Variants in ADH6 observed in about 807,000 individuals in gnomAD.
ADH6 encodes the protein alcohol dehydrogenase 6 (class V).
A neutral mutation model predicts 36.5 loss-of-function variants in ADH6; 34 were observed. The ratio of observed to expected loss-of-function variants is 0.93; its 90% CI spans 0.71 to 1.24. The LOEUF is 1.24. ADH6 is among the 50% of genes most tolerant of loss of function. ADH6 has a pLI of 0.00. For missense variants in ADH6, 440 were observed against 447.0 expected (o/e 0.98, Z 0.14); for synonymous variants, 161 against 155.5 (o/e 1.04, Z -0.26).
At chr4:99,204,498 G>A (rs530796408) in intron 8 of ADH6, 29 of 1,296,470 alleles carry the variant, frequency 2.2e-5, no homozygotes, top group African/African-American at 1.5e-4. Flanking sequence ...TGTTTTTTGG[G>A]TCAAAGATAG....
In ADH6 at chr4:99,202,674, T is replaced by C. The variant is rs1378568974; in HGVS notation, c.*1545A>G. The C allele has an allele frequency of 5.0e-6, 2 of 397,550 alleles. No homozygotes were observed. The highest frequency in any genetic ancestry group is 4.4e-5 in the Admixed American group (1 of 22,672). 24.6% of individuals were successfully genotyped at this position (397,550 alleles called of 1,614,324 possible). A position where few individuals can be genotyped will look rare whatever the true frequency, so the allele number is the denominator to read the frequency against. On this transcript the variant is annotated 3_prime_UTR_variant, in exon 9 of 9. Transcript: ENST00000394899. Reference sequence around the variant, plus strand: ...AACCGAGCTTTATTGGAGCAAAGAGTGTGGACACTGTTTACAACAAAACGT... The same window carrying C: ...AACCGAGCTTTATTGGAGCAAAGAGCGTGGACACTGTTTACAACAAAACGT...
chr4:99,208,654 A>G lies in ADH6; in HGVS notation c.828+14T>C. The G allele has an allele frequency of 6.2e-7, 1 of 1,605,396 alleles. No homozygotes were observed. The highest frequency in any genetic ancestry group is 8.5e-7 in the Non-Finnish European group (1 of 1,175,664). ...TAAAAGTATTGGTAATTTTCACTCCAGAGGATTACATACCAGAACGTCCAG... is the reference window on the plus strand; with the variant it reads ...TAAAAGTATTGGTAATTTTCACTCCGGAGGATTACATACCAGAACGTCCAG... On this transcript the variant is annotated intron_variant, in intron 6 of 8. Coordinates refer to ENST00000394899, the MANE Select transcript of ADH6 (RefSeq NM_001102470.2).
Position 99,208,897 on chromosome 4 carries a change from C to T in ADH6, c.599G>A (p.Gly200Asp). Residue 200 changes from glycine to aspartate, a missense_variant, in exon 6 of 9, where the codon GGC becomes GAC. Coordinates refer to ENST00000394899, the MANE Select transcript of ADH6 (RefSeq NM_001102470.2). ...VTPGSTCAVF[G>D]LGGVGLSVVM... ...AACAGACAAGCCGACTCCTCCCAGG[C>T]CAAACACAGCACAGGTAGAACCTGG... is the stretch of plus-strand genomic sequence containing the variant. The T allele has an allele frequency of 6.2e-7, 1 of 1,613,618 alleles. No individual in the cohort carries two copies. The highest frequency in any genetic ancestry group is 8.5e-7 in the Non-Finnish European group (1 of 1,179,708).
intron 7 of ADH6, among the ~76,000 whole-genome samples, chr4:99,206,951 A>G (rs1460101456): frequency 6.6e-6 from 1 of 152,126 alleles, no homozygotes; most frequent in African/African-American, 2.4e-5. Flanking sequence ...TCTGGGTAAA[A>G]TAATTCTTAT....
In ADH6 at chr4:99,207,516, G is replaced by A. The variant is rs1731076810; in HGVS notation, c.894C>T (p.Ala298=). The change falls in exon 7 of 9, where the codon GCC becomes GCT. Residue 298 remains alanine (A), a synonymous_variant. Transcript: ENST00000394899. ...GVCVVVGVLP[A]SVQLKISGQL... is the part of the protein sequence containing the mutation. ...GGCCACTGATTTTGAGTTGAACACT[G>A]GCAGGCAACACCCCAACAACCACAC... The A allele has an allele frequency of 6.2e-7, 1 of 1,613,614 alleles. No individual in the cohort carries two copies. The highest frequency in any genetic ancestry group is 8.5e-7 in the Non-Finnish European group (1 of 1,179,728).
At chr4:99,213,216 A>G (rs1437788842) in intron 3 of ADH6, among the ~76,000 whole-genome samples, 2 of 152,082 alleles carry the variant, frequency 1.3e-5, no homozygotes, top group Admixed American at 1.3e-4. Context: ...TTAACTTCTT[A>G]TGTTTATTTG....
chr4:99,206,715 A>G (rs1418953068), intron 7 of ADH6, among the ~76,000 whole-genome samples: 1 of 151,944 alleles, frequency 6.6e-6, no homozygotes, highest in Non-Finnish European at 1.5e-5. Context: ...CACTCCTCTA[A>G]TTCTCATCTC....
chr4:99,202,953 A>G lies in ADH6; in HGVS notation c.*1266T>C. 1 of 395,024 alleles carries G rather than the reference A, an allele frequency of 2.5e-6. No homozygotes were observed. Among genetic ancestry groups the G allele is most frequent in the African/African-American group, 2.1e-5 (1 of 48,644 alleles). 24.5% of individuals were successfully genotyped at this position (395,024 alleles called of 1,614,324 possible). On this transcript the variant is annotated 3_prime_UTR_variant, in exon 9 of 9. Transcript: ENST00000394899. The stretch of plus-strand genomic sequence containing the variant: ...GAAGCAGGCCCCTAAAGGGAAACAC[A>G]GGATGCCCAACTCATAAGAATCAGA...
chr4:99,204,890 A>G, intron 8 of ADH6, 35 bp downstream of exon 8: 1 of 1,580,794 alleles, frequency 6.3e-7, no homozygotes, highest in African/African-American at 1.4e-5. Context: ...CTTGGTCTCA[A>G]ACACACAGAC....
intron 1 of ADH6, among the ~76,000 whole-genome samples, chr4:99,216,597 A>C (rs1437322123): frequency 1.3e-5 from 2 of 152,086 alleles, no homozygotes; most frequent in African/African-American, 4.8e-5. Flanking sequence ...CTGTAATTCC[A>C]GCACTTTGGG....
intron 3 of ADH6, 99 bp downstream of exon 3, chr4:99,213,507 T>C: frequency 8.4e-7 from 1 of 1,186,924 alleles, no homozygotes; most frequent in Non-Finnish European, 1.1e-6. Context: ...ATTTCACCTT[T>C]CATTTCACTT....
chr4:99,204,291 C>T, intron 8 of ADH6, 48 bp from the exon 9 acceptor site: 1 of 1,588,138 alleles, frequency 6.3e-7, no homozygotes, highest in Non-Finnish European at 8.5e-7. Flanking sequence ...TTTAGAGCAA[C>T]ATTTGTGTTT....
At chr4:99,207,362 C>A in intron 7 of ADH6, 84 bp downstream of exon 7, 1 of 1,552,962 alleles carries the variant, frequency 6.4e-7, no homozygotes, top group Non-Finnish European at 8.7e-7. Context: ...GTTTTATGTC[C>A]TTTCTTAAGC....
At position 99,213,859 on chromosome 4, in the gene ADH6, AT is replaced by A. The variant is rs1731312658; in HGVS notation, c.121-113del. The A allele has an allele frequency of 3.3e-6, 3 of 910,248 alleles. No homozygotes were observed. The East Asian group carries it at 8.6e-5, about 26-fold the overall frequency. 56.4% of individuals were successfully genotyped at this position (910,248 alleles called of 1,614,324 possible). A position where few individuals can be genotyped will look rare whatever the true frequency, so the allele number is the denominator to read the frequency against. On this transcript the variant is annotated intron_variant, in intron 2 of 8. Transcript: ENST00000394899. ...TTGATATTCTCCATTTATACACTGC[AT>A]TCATTTCTTATCAGTTTTAATTCTA...
At position 99,202,968 on chromosome 4, in the gene ADH6, T is replaced by C; in HGVS notation, c.*1251A>G. The C allele has an allele frequency of 2.5e-6, 1 of 394,900 alleles. No individual in the cohort carries two copies. 24.5% of individuals were successfully genotyped at this position (394,900 alleles called of 1,614,324 possible). On this transcript the variant is annotated 3_prime_UTR_variant, in exon 9 of 9. Coordinates refer to ENST00000394899, the MANE Select transcript of ADH6 (RefSeq NM_001102470.2). ...AGGGAAACACAGGATGCCCAACTCATAAGAATCAGACTGTTATGAGAGTCC... is the reference window on the plus strand; with the variant it reads ...AGGGAAACACAGGATGCCCAACTCACAAGAATCAGACTGTTATGAGAGTCC...
Position 99,207,532 on chromosome 4 carries a change from A to G in ADH6, c.878T>C (p.Val293Ala). 6.2e-7 allele frequency: 1 copy of G among 1,613,496 alleles called. No homozygotes were observed. ...TTGAACACTGGCAGGCAACACCCCA[A>G]CAACCACACAGACCCCATAGCTCTC... Reference protein sequence around the residue: ...CNESYGVCVVVGVLPASVQLK... With the variant: ...CNESYGVCVVAGVLPASVQLK... The change falls in exon 7 of 9, where the codon GTT becomes GCT. Residue 293 changes from valine to alanine, a missense_variant. Transcript: ENST00000394899.
In ADH6 at chr4:99,210,189, T is replaced by G. The variant is rs1466928817; in HGVS notation, c.460A>C (p.Lys154Gln). Residue 154 changes from lysine (K) to glutamine (Q), a missense_variant, in exon 5 of 9, where the codon AAG becomes CAG. Transcript: ENST00000394899. The part of the protein sequence containing the change: ...TSTFCEYTVI[K>Q]EISVAKIDAV... ...TCAATCTTGGCAACTGAGATTTCCT[T>G]TATCACTGTGTATTCACAGAAGGTG... 2 of 1,613,836 alleles carry G rather than the reference T, an allele frequency of 1.2e-6. No individual in the cohort carries two copies. Among genetic ancestry groups the G allele is most frequent in the Non-Finnish European group, 1.7e-6 (2 of 1,179,842 alleles).
Position 99,214,719 on chromosome 4 carries a change from C to T in ADH6, c.121-972G>A, listed in dbSNP as rs28720142. Among the ~76,000 whole-genome samples, 222 of 152,284 alleles carry T rather than the reference C, an allele frequency of 1.5e-3. 1 individual carries two copies. Among genetic ancestry groups the T allele is most frequent in the African/African-American group, 5.2e-3 (217 of 41,566 alleles). On this transcript the variant is annotated intron_variant, in intron 2 of 8. Transcript: ENST00000394899. ...TTGCATACACATAGCCACACATTCACATGCACATACTCCTTAGTCAAGAAA... is the reference window on the plus strand; with the variant it reads ...TTGCATACACATAGCCACACATTCATATGCACATACTCCTTAGTCAAGAAA...
intron 7 of ADH6, 138 bp downstream of exon 7, chr4:99,207,308 G>A (rs1226886818): frequency 9.4e-7 from 1 of 1,063,192 alleles, no homozygotes; most frequent in East Asian, 2.4e-5. Flanking sequence ...CTTTATATTG[G>A]GTATTCATAT....
Sources: gnomAD v4.1 joint callset for allele counts (sites outside exome capture counted in the v4.1 genomes callset) on GRCh38, gnomAD v4.1.1 for gene constraint, MANE v1.5 for transcripts, NCBI Gene and HGNC (gene_info 2026-07-23, HGNC 2026-07-21) for gene names.